RPH3A: variants seen among roughly 807,000 people sequenced by gnomAD.
The protein encoded by RPH3A is rabphilin 3A.
A neutral mutation model predicts 102.2 loss-of-function variants in RPH3A; 48 were observed. The observed-to-expected ratio is 0.47, with a 90% CI of 0.37 to 0.60. RPH3A has a LOEUF of 0.60. Among genes scored for constraint, RPH3A ranks in the 20% least tolerant of loss-of-function variants. The probability of loss-of-function intolerance (pLI) is 0.00; values close to 1 mark genes in which losing one functional copy is unlikely to be tolerated. For missense variants in RPH3A, 781 were observed against 910.1 expected (o/e 0.86, Z 1.83); for synonymous variants, 310 against 324.3 (o/e 0.96, Z 0.47).
intron 1 of RPH3A, among the ~76,000 whole-genome samples, chr12:112,784,576 C>T (rs926560442): frequency 6.6e-6 from 1 of 152,156 alleles, no homozygotes; most frequent in South Asian, 2.1e-4. Context: ...ATCAAAAGTT[C>T]TAAGAATAAT....
intron 1 of RPH3A, among the ~76,000 whole-genome samples, chr12:112,595,822 C>T (rs2039512357): frequency 6.6e-6 from 1 of 152,144 alleles, no homozygotes; most frequent in Non-Finnish European, 1.5e-5. Context: ...TTCCGTCCTC[C>T]CTGGGGGCAA....
chr12:112,694,217 C>T (rs764597451), intron 1 of RPH3A, among the ~76,000 whole-genome samples: 1 of 152,162 alleles, frequency 6.6e-6, no homozygotes, highest in Non-Finnish European at 1.5e-5. Flanking sequence ...CAACCTGACC[C>T]GTTATTGCTG....
At chr12:112,732,028 C>T (rs113806425) in intron 1 of RPH3A, among the ~76,000 whole-genome samples, 2 of 152,240 alleles carry the variant, frequency 1.3e-5, no homozygotes, top group Non-Finnish European at 2.9e-5. Flanking sequence ...TTTGATTAAA[C>T]ATCCTTTTAA....
intron 1 of RPH3A, among the ~76,000 whole-genome samples, chr12:112,685,846 A>G (rs2040259717): frequency 6.6e-6 from 1 of 152,192 alleles, no homozygotes; most frequent in African/African-American, 2.4e-5. Context: ...CATACTTAGA[A>G]TAAGAGTTTG....
At chr12:112,717,502 C>T in intron 1 of RPH3A, among the ~76,000 whole-genome samples, 2 of 151,514 alleles carry the variant, frequency 1.3e-5, no homozygotes, top group South Asian at 2.1e-4. Context: ...GTAATATATC[C>T]CTTTGAATCT....
intron 1 of RPH3A, among the ~76,000 whole-genome samples, chr12:112,575,633 G>A (rs936145876): frequency 1.3e-5 from 2 of 152,066 alleles, no homozygotes; most frequent in African/African-American, 2.4e-5. Context: ...TGGCTGCGGC[G>A]AAGGTAGCTC....
At chr12:112,712,987 G>A (rs60769856) in intron 1 of RPH3A, among the ~76,000 whole-genome samples, 10 of 62,616 alleles carry the variant, frequency 1.6e-4, no homozygotes, top group African/African-American at 3.6e-4. Context: ...CTTCTTCGTC[G>A]TCTTTGTCTT....
chr12:112,685,051 C>T (rs1380663752), intron 1 of RPH3A, among the ~76,000 whole-genome samples: 2 of 152,206 alleles, frequency 1.3e-5, no homozygotes, highest in Non-Finnish European at 2.9e-5. Flanking sequence ...CTCAGCCTCG[C>T]TCACCACCTT....
chr12:112,655,253 G>T (rs2040002846), intron 1 of RPH3A, among the ~76,000 whole-genome samples: 2 of 152,234 alleles, frequency 1.3e-5, no homozygotes, highest in Admixed American at 6.5e-5. Flanking sequence ...GCTCTGGCAA[G>T]TAATTTTCCT....
chr12:112,654,308 A>G (rs2039995856), intron 1 of RPH3A, among the ~76,000 whole-genome samples: 1 of 152,054 alleles, frequency 6.6e-6, no homozygotes, highest in African/African-American at 2.4e-5. Context: ...CTCTTTAAGG[A>G]GCTTTTTGAG....
At chr12:112,632,063 T>TTATGATATGGGG (rs1432098862) in intron 1 of RPH3A, among the ~76,000 whole-genome samples, 1 of 152,182 alleles carries the variant, frequency 6.6e-6, no homozygotes, top group African/African-American at 2.4e-5. Context: ...TTTCCTGCAC[T>TTATGATATGGGG]GTTCTTATGA....
chr12:112,577,778 A>G (rs994016360), intron 1 of RPH3A, among the ~76,000 whole-genome samples: 2 of 151,500 alleles, frequency 1.3e-5, no homozygotes, highest in African/African-American at 4.9e-5. Context: ...CCTGGGCTTA[A>G]GCAATCCTCT....
intron 11 of RPH3A, 102 bp downstream of exon 11, chr12:112,875,272 G>T: frequency 1.1e-6 from 1 of 883,416 alleles, no homozygotes; most frequent in Non-Finnish European, 1.7e-6. Flanking sequence ...TTTCTGCAAA[G>T]CTGCAGCCAC....
chr12:112,651,346 G>A (rs1470235325), intron 1 of RPH3A, among the ~76,000 whole-genome samples: 1 of 151,868 alleles, frequency 6.6e-6, no homozygotes, highest in Non-Finnish European at 1.5e-5. Context: ...CCCAGCCTGG[G>A]CAACACAGTA....
intron 1 of RPH3A, among the ~76,000 whole-genome samples, chr12:112,767,340 C>G (rs1249065322): frequency 6.6e-6 from 1 of 152,192 alleles, no homozygotes; most frequent in African/African-American, 2.4e-5. Flanking sequence ...CCTCCTCAAT[C>G]TCACCCTCTG....
At chr12:112,863,384 C>G (rs1490493955) in intron 5 of RPH3A, among the ~76,000 whole-genome samples, 1 of 152,248 alleles carries the variant, frequency 6.6e-6, no homozygotes, top group African/African-American at 2.4e-5. Context: ...GTGGCACAAT[C>G]TCAACTCACT....
intron 2 of RPH3A, among the ~76,000 whole-genome samples, chr12:112,819,659 G>C (rs999685300): frequency 6.6e-6 from 1 of 152,216 alleles, no homozygotes; most frequent in African/African-American, 2.4e-5. Flanking sequence ...GAGTTCAGCT[G>C]GGTTCAGCTA....
At chr12:112,631,481 C>CT (rs916804218) in intron 1 of RPH3A, among the ~76,000 whole-genome samples, 4 of 152,066 alleles carry the variant, frequency 2.6e-5, no homozygotes, top group Non-Finnish European at 5.9e-5. Flanking sequence ...TTCAAACCCA[C>CT]TTTTAACAAA....
chr12:112,713,023 C>CTCTTCCTCT lies in RPH3A; in HGVS notation c.-139-79115_-139-79114insCTCTTCTTC, dbSNP rs1473414104. ...CCTCTTCCTCTTCCTCTTCCTCTTCCTCTTCTTCTTCTTCTTCTTCTTCTT... is the reference window on the plus strand; with the variant it reads ...CCTCTTCCTCTTCCTCTTCCTCTTCCTCTTCCTCTTCTTCTTCTTCTTCTTCTTCTTCTT... On this transcript the variant is annotated intron_variant, in intron 1 of 21. Transcript: ENST00000543106. 5.5e-3 allele frequency among the ~76,000 whole-genome samples: 288 copies of CTCTTCCTCT among 52,728 alleles called. 11 individuals are homozygous for CTCTTCCTCT. Among genetic ancestry groups the CTCTTCCTCT allele is most frequent in the East Asian group, 0.029 (39 of 1,362 alleles). 34.6% of individuals were successfully genotyped at this position (52,728 alleles called of 152,430 possible). A position where few individuals can be genotyped will look rare whatever the true frequency, so the allele number is the denominator to read the frequency against.
Sources: gnomAD v4.1 joint callset for allele counts (sites outside exome capture counted in the v4.1 genomes callset) on GRCh38, gnomAD v4.1.1 for gene constraint, MANE v1.5 for transcripts, NCBI Gene and HGNC (gene_info 2026-07-23, HGNC 2026-07-21) for gene names.